The following AHCTF1 variants were observed in gnomAD, a reference collection of about 807,000 sequenced individuals.
The protein encoded by AHCTF1 is AT-hook containing transcription factor 1.
In AHCTF1, 24 loss-of-function variants were observed where a neutral mutation model predicts 248.4. The ratio of observed to expected loss-of-function variants is 0.10; its 90% CI spans 0.07 to 0.14. The LOEUF (loss-of-function observed/expected upper bound fraction) is 0.14, where lower values mean the gene tolerates loss of function less well. AHCTF1 is among the 10% of genes least tolerant of loss of function. The probability of loss-of-function intolerance (pLI) is 1.00; values close to 1 mark genes in which losing one functional copy is unlikely to be tolerated. For synonymous variants in AHCTF1, 786 were observed against 929.8 expected, an observed-to-expected ratio of 0.85 and a Z score of 2.81; for missense variants, 2,206 against 2,636.2, an observed-to-expected ratio of 0.84 and a Z score of 3.57.
chr1:246,878,266 G>T (rs531871998), intron 21 of AHCTF1, among the ~76,000 whole-genome samples: 3 of 151,754 alleles, frequency 2.0e-5, no homozygotes, highest in Non-Finnish European at 4.4e-5. Context: ...GCATGGTGGT[G>T]TGTGCCTGTA....
intron 26 of AHCTF1, 110 bp from the exon 27 acceptor site, chr1:246,864,226 A>G (rs952672917): frequency 1.8e-6 from 2 of 1,082,944 alleles, no homozygotes; most frequent in Non-Finnish European, 2.6e-6. Flanking sequence ...CCACATGCAA[A>G]TACAGTCAAG....
At chr1:246,889,824 GAAAT>G (rs1431953508) in intron 17 of AHCTF1, 138 bp downstream of exon 17, 9 of 542,926 alleles carry the variant, frequency 1.7e-5, no homozygotes, top group Non-Finnish European at 2.9e-5. Context: ...TTAAAAAAGA[GAAAT>G]AAAATAGTAA....
rs758655616 is a variant in AHCTF1, at chr1:246,876,180, C to T, written c.2945G>A (p.Arg982His). ...TGATCTCTCCCGCAAACGAGGATCA[C>T]GATCATTCTATTAAACATCAAAATT... ...QTLKINVMND[R>H]DPRLRERSLA... Residue 982 changes from arginine (R) to histidine (H), a missense_variant, in exon 24 of 36, where the codon CGT becomes CAT. Around this residue, in one of 6 missense-constraint regions of AHCTF1, gnomAD observed 955 missense variants for 1,055.6 expected, o/e 0.90. Coordinates refer to ENST00000648844, the MANE Select transcript of AHCTF1 (RefSeq NM_001323342.2). The T allele has an allele frequency of 1.0e-5, 16 of 1,590,756 alleles. No individual in the cohort carries two copies. The highest frequency in any genetic ancestry group is 3.4e-5 in the Admixed American group (2 of 58,248).
At chr1:246,927,262 G>A (rs568407206) in intron 1 of AHCTF1, among the ~76,000 whole-genome samples, 3 of 152,090 alleles carry the variant, frequency 2.0e-5, no homozygotes, top group Non-Finnish European at 2.9e-5. Flanking sequence ...GCGGGAGAAT[G>A]GCTGAGGTCA....
At chr1:246,905,319 G>A (rs1396441888) in intron 6 of AHCTF1, among the ~76,000 whole-genome samples, 1 of 152,110 alleles carries the variant, frequency 6.6e-6, no homozygotes, top group Admixed American at 6.5e-5. Context: ...CCAACATGGT[G>A]AAACCCCGTC....
chr1:246,905,685 T>C (rs143001336), intron 5 of AHCTF1, 28 bp from the exon 6 acceptor site: 2 of 1,551,938 alleles, frequency 1.3e-6, no homozygotes, highest in African/African-American at 1.4e-5. Context: ...ATTTCATATT[T>C]TTAAGTTATT....
intron 20 of AHCTF1, 133 bp downstream of exon 20, chr1:246,887,078 T>G (rs1183949365): frequency 2.1e-6 from 2 of 952,292 alleles, no homozygotes; most frequent in Non-Finnish European, 3.1e-6. Context: ...GTAAAGGTAC[T>G]GATTAAACTG....
rs567812846 is a variant in AHCTF1 at position 246,916,798 on chromosome 1, T to C, written c.122-403A>G. On this transcript the variant is annotated intron_variant, in intron 2 of 35. Coordinates refer to ENST00000648844, the MANE Select transcript of AHCTF1 (RefSeq NM_001323342.2). ...GTTTAACCTTCCCAAAGTCAAAAAGTAGCACAGGCAGAAGTAGATCCCAAG... is the reference window on the plus strand; with the variant it reads ...GTTTAACCTTCCCAAAGTCAAAAAGCAGCACAGGCAGAAGTAGATCCCAAG... Among the ~76,000 whole-genome samples, 11 of 152,286 alleles carry C rather than the reference T, an allele frequency of 7.2e-5. 1 individual carries two copies. In the South Asian group the frequency reaches 1.9e-3, roughly 26 times the overall value.
chr1:246,885,877 T>G (rs192453653), intron 20 of AHCTF1, among the ~76,000 whole-genome samples, 197 bp from the exon 21 acceptor site: 12 of 152,250 alleles, frequency 7.9e-5, no homozygotes, highest in Non-Finnish European at 1.2e-4. Context: ...CTGAACTAAG[T>G]GCAGATAGAA....
At chr1:246,846,848 C>T (rs1221588517) in intron 33 of AHCTF1, among the ~76,000 whole-genome samples, 2 of 151,942 alleles carry the variant, frequency 1.3e-5, no homozygotes, top group East Asian at 2.0e-4. Flanking sequence ...ACCTCCCGGG[C>T]TCAAGCCATC....
Position 246,916,413 on chromosome 1 carries a change from T to G in AHCTF1, c.122-18A>C. ...ATTTTTCCCTAGAAGAAAAAAAAAT[T>G]GCCTATTTTAATATTGTATATACAC... On this transcript the variant is annotated intron_variant, in intron 2 of 35. Transcript: ENST00000648844. The G allele has an allele frequency of 6.2e-7, 1 of 1,600,756 alleles. No individual in the cohort carries two copies. The highest frequency in any genetic ancestry group is 8.5e-7 in the Non-Finnish European group (1 of 1,175,190).
At chr1:246,908,851 T>G (rs1481753809) in intron 4 of AHCTF1, among the ~76,000 whole-genome samples, 1 of 150,894 alleles carries the variant, frequency 6.6e-6, no homozygotes, top group Non-Finnish European at 1.5e-5. Context: ...TGAGCCAAGA[T>G]TGAGCCACTG....
At chr1:246,915,425 T>C (rs1205690855) in intron 3 of AHCTF1, among the ~76,000 whole-genome samples, 1 of 152,114 alleles carries the variant, frequency 6.6e-6, no homozygotes, top group Non-Finnish European at 1.5e-5. Context: ...TCTGGCCCCC[T>C]ATTCTTCCTT....
chr1:246,915,285 G>A lies in AHCTF1; in HGVS notation c.375+857C>T, dbSNP rs193122083. Among the ~76,000 whole-genome samples the A allele has an allele frequency of 5.7e-3, 861 of 152,126 alleles. 2 individuals carry two copies. Among genetic ancestry groups the A allele is most frequent in the Non-Finnish European group, 9.3e-3 (629 of 67,986 alleles). ...ACAGAGGTTGCAGTGAGCTGAGATC[G>A]TGCCACTGCACTCCAGCCTGCTGAC... On this transcript the variant is annotated intron_variant, in intron 3 of 35. Coordinates refer to ENST00000648844, the MANE Select transcript of AHCTF1 (RefSeq NM_001323342.2).
intron 10 of AHCTF1, 127 bp downstream of exon 10, chr1:246,899,938 T>TA: frequency 1.1e-6 from 1 of 904,972 alleles, no homozygotes; most frequent in Non-Finnish European, 1.7e-6. Flanking sequence ...ATTTCCTAAG[T>TA]TATCCATATG....
In AHCTF1 at chr1:246,895,911, T is replaced by G. The variant is rs376844732; in HGVS notation, c.1638A>C (p.Glu546Asp). 1.9e-5 allele frequency: 31 copies of G among 1,612,916 alleles called. No individual in the cohort carries two copies. The Admixed American group carries it at 2.7e-4, about 14-fold the overall frequency. The change falls in exon 13 of 36, where the codon GAA becomes GAC. Residue 546 changes from glutamate (E) to aspartate (D), a missense_variant. Around this residue, in one of 6 missense-constraint regions of AHCTF1, gnomAD observed 650 missense variants for 870.8 expected, o/e 0.75. Coordinates refer to ENST00000648844, the MANE Select transcript of AHCTF1 (RefSeq NM_001323342.2). ...PSSLSQEEQL[E>D]AILSAAIQTS... ...TCTGAATTGCTGCTGACAATATAGC[T>G]TCTAACTGTTCTTCCTAAACCATGC...
chr1:246,896,018 C>G, intron 12 of AHCTF1, 93 bp from the exon 13 acceptor site: 1 of 967,332 alleles, frequency 1.0e-6, no homozygotes, highest in Non-Finnish European at 1.6e-6. Context: ...AATTTTAAGG[C>G]TAAAAAAATC....
In AHCTF1 at chr1:246,863,935, G is replaced by A. The variant is rs757788540; in HGVS notation, c.3529C>T (p.Leu1177Phe). The change falls in exon 27 of 36, where the codon CTT becomes TTT. Residue 1177 changes from leucine to phenylalanine, a missense_variant. Around this residue, in one of 6 missense-constraint regions of AHCTF1, gnomAD observed 955 missense variants for 1,055.6 expected, o/e 0.90. Coordinates refer to ENST00000648844, the MANE Select transcript of AHCTF1 (RefSeq NM_001323342.2). ...ASELHLLETP[L>F]VVKKAKSLAM... ...GCGTAAATACTAACCTTAACTACAAGAGGAGTTTCAAGCAAATGTAATTCT... is the reference window on the plus strand; with the variant it reads ...GCGTAAATACTAACCTTAACTACAAAAGGAGTTTCAAGCAAATGTAATTCT... 1 of 1,613,942 alleles carries A rather than the reference G, an allele frequency of 6.2e-7. No individual in the cohort carries two copies. The highest frequency in any genetic ancestry group is 1.1e-5 in the South Asian group (1 of 91,072).
intron 14 of AHCTF1, among the ~76,000 whole-genome samples, chr1:246,892,770 T>C (rs1322866039): frequency 6.6e-6 from 1 of 151,968 alleles, no homozygotes; most frequent in Admixed American, 6.6e-5. Flanking sequence ...GAGCTGGGAC[T>C]ATAGGCATGT....
Sources: gnomAD v4.1 joint callset for allele counts (sites outside exome capture counted in the v4.1 genomes callset) on GRCh38, gnomAD v4.1.1 for gene constraint, gnomAD v4.1.1 regional missense constraint, MANE v1.5 for transcripts, NCBI Gene and HGNC (gene_info 2026-07-23, HGNC 2026-07-21) for gene names.